Variants in N4BP2 observed in about 807,000 individuals in gnomAD.
The protein encoded by N4BP2 is NEDD4 binding protein 2.
Under a neutral mutation model 152.8 loss-of-function variants are expected in N4BP2, and 91 were observed. That is an observed-to-expected ratio of 0.60 (90% CI 0.50 to 0.71). The LOEUF (loss-of-function observed/expected upper bound fraction) is 0.71. Ranked by LOEUF, N4BP2 falls within the 30% of genes least tolerant of loss-of-function variation. The pLI, the probability that N4BP2 is intolerant of heterozygous loss-of-function variation, is 0.00. For missense variants in N4BP2, 1,923 were observed against 2,059.1 expected, an observed-to-expected ratio of 0.93 and a Z score of 1.28; for synonymous variants, 646 against 705.3, an observed-to-expected ratio of 0.92 and a Z score of 1.33.
At chr4:40,184,036 G>A in the N4BP2 span, among the ~76,000 whole-genome samples, 9 of 152,316 alleles carry the variant, frequency 5.9e-5, no homozygotes, top group East Asian at 1.5e-3. Context: ...ACTCATAGCT[G>A]CAGGGGAAGC....
At chr4:40,133,734 T>G (rs1280024612) in intron 13 of N4BP2, among the ~76,000 whole-genome samples, 1 of 152,228 alleles carries the variant, frequency 6.6e-6, no homozygotes, top group African/African-American at 2.4e-5. Flanking sequence ...TTCCAAAATT[T>G]GGAAAGATCT....
At chr4:40,111,862 C>T (rs530178205) in intron 5 of N4BP2, among the ~76,000 whole-genome samples, 12 of 149,656 alleles carry the variant, frequency 8.0e-5, no homozygotes, top group South Asian at 4.3e-4. Flanking sequence ...GTGGTCTGCC[C>T]GCTTTGGCTT....
chr4:40,103,978 G>C (rs544676339), intron 4 of N4BP2, among the ~76,000 whole-genome samples: 1 of 151,264 alleles, frequency 6.6e-6, no homozygotes, highest in African/African-American at 2.4e-5. Flanking sequence ...TTTTTGAGAC[G>C]GAGTCTTGCT....
At chr4:40,153,779 T>A (rs1721363329) in intron 17 of N4BP2, among the ~76,000 whole-genome samples, 1 of 152,222 alleles carries the variant, frequency 6.6e-6, no homozygotes. Flanking sequence ...TAGAGACTAG[T>A]CTTCCTTTAA....
At chr4:40,185,976 A>G in the N4BP2 span, among the ~76,000 whole-genome samples, 115,788 of 152,102 alleles carry the variant, frequency 0.76, 44,600 homozygotes, top group East Asian at 0.96. Flanking sequence ...TTAATTACCC[A>G]GAAACCTCAC....
chr4:40,087,368 A>T (rs922704739), intron 2 of N4BP2, among the ~76,000 whole-genome samples: 9 of 152,006 alleles, frequency 5.9e-5, no homozygotes, highest in African/African-American at 2.2e-4. Context: ...AAATTAAAAA[A>T]TTAGGTTTTT....
Position 40,112,084 on chromosome 4 carries a change from C to T in N4BP2, c.1499C>T (p.Ala500Val). Residue 500 changes from alanine to valine, a missense_variant and splice_region_variant, in exon 6 of 18, where the codon GCA becomes GTA. Coordinates refer to ENST00000261435, the MANE Select transcript of N4BP2 (RefSeq NM_018177.6). The stretch of plus-strand genomic sequence containing the variant: ...TTTTTAATTATGTTATGTTTTTCAG[C>T]AAAAGAAGCATTTGAGAAGAAGATA... ...GEAHEWNQNR[A>V]KEAFEKKISP... is the part of the protein sequence containing the mutation. 1 of 1,461,472 alleles carries T rather than the reference C, an allele frequency of 6.8e-7. No individual in the cohort carries two copies. The allele number at this position is 1,461,472 out of a possible 1,614,324, so 90.5% of individuals were successfully genotyped here. A position where few individuals can be genotyped will look rare whatever the true frequency, so the allele number is the denominator to read the frequency against.
chr4:40,082,275 C>CAAA (rs370100487), intron 2 of N4BP2, among the ~76,000 whole-genome samples: 5,751 of 94,796 alleles, frequency 0.061, 334 homozygotes, highest in Non-Finnish European at 0.081. Flanking sequence ...GACCCTGTCT[C>CAAA]AAAAAAAAAA....
At chr4:40,158,435 A>G (rs1377831243), downstream of N4BP2, among the ~76,000 whole-genome samples, 2 of 152,224 alleles carry the variant, frequency 1.3e-5, no homozygotes, top group African/African-American at 4.8e-5. Flanking sequence ...TTTGAACCAG[A>G]TAAATGGATT....
chr4:40,093,747 C>A (rs967331239), intron 2 of N4BP2, among the ~76,000 whole-genome samples: 1 of 152,012 alleles, frequency 6.6e-6, no homozygotes, highest in Non-Finnish European at 1.5e-5. Context: ...TTCTTCAGTG[C>A]GCGTGCCAGC....
rs1210448355 is a variant in N4BP2, at chr4:40,134,908, TC to T, written c.4647-2035del. 5.9e-3 allele frequency among the ~76,000 whole-genome samples: 684 copies of T among 115,042 alleles called. 6 individuals are homozygous for T. Among genetic ancestry groups the T allele is most frequent in the African/African-American group, 0.016 (610 of 37,264 alleles). 75.5% of individuals were successfully genotyped at this position (115,042 alleles called of 152,430 possible). A position where few individuals can be genotyped will look rare whatever the true frequency, so the allele number is the denominator to read the frequency against. On this transcript the variant is annotated intron_variant, in intron 13 of 17. Coordinates refer to ENST00000261435, the MANE Select transcript of N4BP2 (RefSeq NM_018177.6). ...TCCTCCCTTCCTTCCTTCCTTTCTCTCTCTCTCTCTCTCTTTCTTTCTTTTT... is the reference window on the plus strand; with the variant it reads ...TCCTCCCTTCCTTCCTTCCTTTCTCTTCTCTCTCTCTCTTTCTTTCTTTTT...
At chr4:40,112,298 T>G (rs1459707500) in intron 6 of N4BP2, 126 bp downstream of exon 6, 4 of 585,502 alleles carry the variant, frequency 6.8e-6, no homozygotes, top group Non-Finnish European at 1.2e-5. Flanking sequence ...AAATGAGCTT[T>G]CATTGGTGTT....
At chr4:40,057,188 C>G (rs753440864) in intron 1 of N4BP2, 158 bp downstream of exon 1, 1 of 152,218 alleles carries the variant, frequency 6.6e-6, no homozygotes, top group Admixed American at 6.5e-5. Context: ...CGGCGCGGGC[C>G]GCCTCCGATC....
chr4:40,061,000 A>G (rs1283791329), intron 1 of N4BP2, among the ~76,000 whole-genome samples: 1 of 151,906 alleles, frequency 6.6e-6, no homozygotes, highest in Non-Finnish European at 1.5e-5. Context: ...ATTTAAATTG[A>G]GACGGGGTGT....
chr4:40,094,662 T>TCTGCCTTA (rs1187616328), intron 2 of N4BP2, among the ~76,000 whole-genome samples: 14 of 151,974 alleles, frequency 9.2e-5, no homozygotes, highest in Admixed American at 6.6e-4. Context: ...TTCAAGCAAT[T>TCTGCCTTA]CTGCCTTAGC....
the N4BP2 span, among the ~76,000 whole-genome samples, chr4:40,169,546 G>A: frequency 4.6e-5 from 7 of 150,882 alleles, no homozygotes; most frequent in Admixed American, 2.6e-4. Flanking sequence ...AAACTGAACT[G>A]AAATGATAAA....
At chr4:40,117,305 C>T (rs944292392) in intron 7 of N4BP2, among the ~76,000 whole-genome samples, 2 of 152,142 alleles carry the variant, frequency 1.3e-5, no homozygotes, top group Admixed American at 1.3e-4. Flanking sequence ...CAGACAAGAT[C>T]GAGGTAGGTA....
chr4:40,187,628 A>C, the N4BP2 span, among the ~76,000 whole-genome samples: 2 of 152,208 alleles, frequency 1.3e-5, no homozygotes, highest in African/African-American at 4.8e-5. Flanking sequence ...CCTAAGATGC[A>C]TTTTATTCAC....
intron 8 of N4BP2, among the ~76,000 whole-genome samples, chr4:40,119,135 T>A (rs1261644353): frequency 6.6e-6 from 1 of 152,226 alleles, no homozygotes; most frequent in African/African-American, 2.4e-5. Flanking sequence ...GCTCTTCATT[T>A]CTAAAATGCC....
Sources: allele counts gnomAD v4.1 joint callset (sites outside exome capture counted in the v4.1 genomes callset), GRCh38; gene constraint gnomAD v4.1.1; transcripts MANE v1.5; gene names NCBI Gene and HGNC (gene_info 2026-07-23, HGNC 2026-07-21).